The following MYH10 variants were observed in gnomAD, a reference collection of about 807,000 sequenced individuals.
The protein encoded by MYH10 is myosin-10.
In MYH10, 55 loss-of-function variants were observed where a neutral mutation model predicts 257.8. The ratio of observed to expected loss-of-function variants is 0.21; its 90% CI spans 0.17 to 0.27. The LOEUF (loss-of-function observed/expected upper bound fraction) is 0.27. Ranked by LOEUF, MYH10 falls within the 10% of genes least tolerant of loss-of-function variation. The probability of loss-of-function intolerance (pLI) is 1.00; values close to 1 mark genes in which losing one functional copy is unlikely to be tolerated. For synonymous variants in MYH10, 854 were observed against 921.7 expected, an observed-to-expected ratio of 0.93 and a Z score of 1.33; for missense variants, 1,631 against 2,500.6, an observed-to-expected ratio of 0.65 and a Z score of 7.42.
At chr17:8,567,272 A>C (rs1286691077) in intron 7 of MYH10, among the ~76,000 whole-genome samples, 2 of 152,212 alleles carry the variant, frequency 1.3e-5, no homozygotes, top group Admixed American at 6.5e-5. Context: ...AGTCACAGGC[A>C]TGCCTCCTAC....
intron 3 of MYH10, among the ~76,000 whole-genome samples, chr17:8,601,976 T>C (rs1029558090): frequency 4.4e-4 from 17 of 38,664 alleles, no homozygotes; most frequent in Non-Finnish European, 8.4e-4. Context: ...AGAAACAGAA[T>C]CTTTTTTTTT....
At chr17:8,592,092 C>G (rs76290847) in intron 3 of MYH10, among the ~76,000 whole-genome samples, 1 of 152,296 alleles carries the variant, frequency 6.6e-6, no homozygotes, top group African/African-American at 2.4e-5. Context: ...ATGCAACTAG[C>G]CTTCTAAACA....
chr17:8,557,365 G>C (rs959595925), intron 7 of MYH10, among the ~76,000 whole-genome samples: 1 of 152,064 alleles, frequency 6.6e-6, no homozygotes, highest in Non-Finnish European at 1.5e-5. Flanking sequence ...TGGGGAGTGT[G>C]GGGGAAGAGC....
At chr17:8,618,370 G>A (rs1403279398) in intron 2 of MYH10, among the ~76,000 whole-genome samples, 1 of 151,684 alleles carries the variant, frequency 6.6e-6, no homozygotes, top group Non-Finnish European at 1.5e-5. Flanking sequence ...CTCCCAAGTA[G>A]CTGGGGCTAC....
chr17:8,617,790 C>G (rs2085324258), intron 2 of MYH10, among the ~76,000 whole-genome samples: 1 of 151,996 alleles, frequency 6.6e-6, no homozygotes, highest in Non-Finnish European at 1.5e-5. Flanking sequence ...TATATTCCAA[C>G]AAAAATGAAT....
intron 7 of MYH10, among the ~76,000 whole-genome samples, chr17:8,556,971 T>A (rs1390351208): frequency 1.3e-5 from 2 of 152,190 alleles, no homozygotes; most frequent in Non-Finnish European, 2.9e-5. Context: ...TATGCTTCCC[T>A]ATTAAAGTGA....
chr17:8,485,061 T>C (rs1914527848), intron 36 of MYH10, among the ~76,000 whole-genome samples: 1 of 152,186 alleles, frequency 6.6e-6, no homozygotes, highest in Non-Finnish European at 1.5e-5. Flanking sequence ...ATAGAAAATC[T>C]TAAGGAAGAC....
intron 2 of MYH10, among the ~76,000 whole-genome samples, chr17:8,608,795 G>A (rs1353369879): frequency 6.6e-6 from 1 of 151,646 alleles, no homozygotes; most frequent in African/African-American, 2.4e-5. Flanking sequence ...ATCTTCCTCT[G>A]TCTATGATTG....
chr17:8,612,319 G>T (rs112401248), intron 2 of MYH10, among the ~76,000 whole-genome samples: 7 of 152,204 alleles, frequency 4.6e-5, no homozygotes, highest in African/African-American at 1.7e-4. Flanking sequence ...ACTTAATAAC[G>T]ATAAAATCAT....
chr17:8,480,343 C>T (rs1913499593), intron 39 of MYH10, 25 bp from the exon 40 acceptor site: 1 of 1,613,314 alleles, frequency 6.2e-7, no homozygotes, highest in Admixed American at 1.7e-5. Flanking sequence ...GGAGTTTAGT[C>T]ACTTGTGCCT....
At chr17:8,578,628 T>C (rs1439745037) in intron 4 of MYH10, among the ~76,000 whole-genome samples, 1 of 152,188 alleles carries the variant, frequency 6.6e-6, no homozygotes, top group Non-Finnish European at 1.5e-5. Flanking sequence ...CCATTTTAAA[T>C]GATTCATATT....
At chr17:8,549,922 G>GC (rs1051488209) in intron 9 of MYH10, among the ~76,000 whole-genome samples, 1 of 151,210 alleles carries the variant, frequency 6.6e-6, no homozygotes, top group African/African-American at 2.4e-5. Context: ...GCCCCTAACC[G>GC]CAAGTGATCC....
At chr17:8,615,789 A>T (rs935216298) in intron 2 of MYH10, among the ~76,000 whole-genome samples, 2 of 152,356 alleles carry the variant, frequency 1.3e-5, no homozygotes, top group South Asian at 4.1e-4. Context: ...ATTCAGGAAT[A>T]CGAGAAAATC....
At chr17:8,500,331 A>G (rs528706090) in intron 29 of MYH10, among the ~76,000 whole-genome samples, 5 of 152,292 alleles carry the variant, frequency 3.3e-5, no homozygotes, top group Admixed American at 2.6e-4. Flanking sequence ...GAGAACGGAA[A>G]GCCTGTGTCT....
chr17:8,596,530 T>G (rs928098447), intron 3 of MYH10, among the ~76,000 whole-genome samples: 16 of 152,094 alleles, frequency 1.1e-4, no homozygotes, highest in Non-Finnish European at 5.9e-5. Context: ...TTTCTCCTAA[T>G]GTAGGAAACT....
At chr17:8,511,641 C>T (rs2081300942) in intron 24 of MYH10, among the ~76,000 whole-genome samples, 1 of 152,230 alleles carries the variant, frequency 6.6e-6, no homozygotes, top group Admixed American at 6.5e-5. Context: ...AAATAATTTA[C>T]TCATCGTTAA....
chr17:8,588,014 C>A (rs2083974545), intron 4 of MYH10, among the ~76,000 whole-genome samples: 1 of 151,984 alleles, frequency 6.6e-6, no homozygotes, highest in Non-Finnish European at 1.5e-5. Flanking sequence ...GAAGTGCTGA[C>A]CCCTCCCTCT....
chr17:8,509,931 C>T lies in MYH10; in HGVS notation c.2971G>A (p.Asp991Asn). The change falls in exon 25 of 43, where the codon GAC (aspartate) becomes AAC (asparagine). Residue 991 changes from aspartate to asparagine, a missense_variant. By Grantham distance (23) the Asp-to-Asn change is conservative (BLOSUM62 1). This residue lies in a region of MYH10 where 169 missense variants were observed against 249.8 expected (regional missense o/e 0.68). Transcript: ENST00000360416. ...AHIQDLEEQLDEEEGARQKLQ... is the reference protein window; with the variant it reads ...AHIQDLEEQLNEEEGARQKLQ... ...TTTTGCCGAGCCCCTTCCTCCTCGT[C>T]TAGCTGTTCTTCCAGGTCCTTGTGA... 1 of 1,612,282 alleles carries T rather than the reference C, an allele frequency of 6.2e-7. No homozygotes were observed. The highest frequency in any genetic ancestry group is 8.5e-7 in the Non-Finnish European group (1 of 1,179,202).
Position 8,482,447 on chromosome 17 carries a change from G to A in MYH10, c.5176-1037C>T, listed in dbSNP as rs564252145. ...GGTGGGAGTCAGGAAGGAAAGAGAG[G>A]CAGCTGACGGAATGTTCCAGGCCTG... On this transcript the variant is annotated intron_variant, in intron 37 of 42. Coordinates refer to ENST00000360416, the MANE Select transcript of MYH10 (RefSeq NM_001256012.3). 3.9e-5 allele frequency among the ~76,000 whole-genome samples: 6 copies of A among 152,346 alleles called. No homozygotes were observed. In the South Asian group the frequency reaches 1.0e-3, roughly 26 times the overall value.
Sources: gnomAD v4.1 joint callset for allele counts (sites outside exome capture counted in the v4.1 genomes callset) on GRCh38, gnomAD v4.1.1 for gene constraint, gnomAD v4.1.1 regional missense constraint, MANE v1.5 for transcripts, NCBI Gene and HGNC (gene_info 2026-07-23, HGNC 2026-07-21) for gene names.